Variants in PDSS2 observed in about 807,000 individuals in gnomAD.
PDSS2 encodes the protein all trans-polyprenyl-diphosphate synthase PDSS2.
PDSS2 carries 31 observed loss-of-function variants against 44.5 expected under a neutral mutation model. The ratio of observed to expected loss-of-function variants is 0.70; its 90% CI spans 0.52 to 0.94. PDSS2 has a LOEUF of 0.94. Ranked by LOEUF, PDSS2 falls within the 40% of genes least tolerant of loss-of-function variation. The pLI, the probability that PDSS2 is intolerant of heterozygous loss-of-function variation, is 0.00. For missense variants in PDSS2, 452 were observed against 482.2 expected, an observed-to-expected ratio of 0.94 and a Z score of 0.59; for synonymous variants, 157 against 180.3, an observed-to-expected ratio of 0.87 and a Z score of 1.03.
intron 1 of PDSS2, among the ~76,000 whole-genome samples, chr6:107,451,278 T>C (rs1411141172): frequency 6.6e-6 from 1 of 152,240 alleles, no homozygotes; most frequent in Non-Finnish European, 1.5e-5. Flanking sequence ...GCCATTCTAA[T>C]TGGTACATAG....
intron 1 of PDSS2, among the ~76,000 whole-genome samples, chr6:107,352,300 G>C (rs1389407124): frequency 6.6e-6 from 1 of 152,122 alleles, no homozygotes; most frequent in Non-Finnish European, 1.5e-5. Flanking sequence ...ACACAAGTCA[G>C]CAATAGGAAA....
chr6:107,156,905 C>A (rs1770919987), intron 7 of PDSS2, among the ~76,000 whole-genome samples: 1 of 152,180 alleles, frequency 6.6e-6, no homozygotes, highest in Non-Finnish European at 1.5e-5. Flanking sequence ...ATCCTCTACT[C>A]CTCATTCCCA....
chr6:107,421,635 TA>T (rs909438271), intron 1 of PDSS2, among the ~76,000 whole-genome samples: 4 of 151,486 alleles, frequency 2.6e-5, no homozygotes, highest in African/African-American at 9.7e-5. Flanking sequence ...GACAAAAACA[TA>T]AAAATGAACA....
intron 1 of PDSS2, among the ~76,000 whole-genome samples, chr6:107,418,172 A>C (rs1175817977): frequency 3.3e-5 from 5 of 152,194 alleles, no homozygotes. Context: ...GGAACTCTGC[A>C]GGTATGATTA....
At chr6:107,186,174 A>C (rs1258441976) in intron 7 of PDSS2, among the ~76,000 whole-genome samples, 1 of 152,220 alleles carries the variant, frequency 6.6e-6, no homozygotes, top group Non-Finnish European at 1.5e-5. Context: ...AGATGTAATG[A>C]ATTAATAGTT....
At chr6:107,436,754 T>G (rs1198507092) in intron 1 of PDSS2, among the ~76,000 whole-genome samples, 3 of 152,190 alleles carry the variant, frequency 2.0e-5, no homozygotes, top group Non-Finnish European at 4.4e-5. Context: ...AAGTGATGAA[T>G]GTTTGAAATG....
At chr6:107,444,741 A>G (rs1158582539) in intron 1 of PDSS2, among the ~76,000 whole-genome samples, 2 of 152,196 alleles carry the variant, frequency 1.3e-5, no homozygotes, top group Non-Finnish European at 2.9e-5. Context: ...GAATTTTACC[A>G]TGCAGAAAGG....
rs79480684 is a variant in PDSS2 at position 107,396,865 on chromosome 6, T to G, written c.296+62125A>C. ...CAACAGGCCTGGCTGATTTTTTATT[T>G]TTATTTTTATAGAGACAGGGTCTCA... is the stretch of plus-strand genomic sequence containing the variant. On this transcript the variant is annotated intron_variant, in intron 1 of 7. Coordinates refer to ENST00000369037, the MANE Select transcript of PDSS2 (RefSeq NM_020381.4). Among the ~76,000 whole-genome samples, 594 of 151,888 alleles carry G rather than the reference T, an allele frequency of 3.9e-3. 8 individuals are homozygous for G. The highest frequency in any genetic ancestry group is 0.013 in the African/African-American group (552 of 41,400).
chr6:107,170,113 C>T (rs572802814), intron 7 of PDSS2, among the ~76,000 whole-genome samples: 259 of 152,292 alleles, frequency 1.7e-3, no homozygotes, highest in Non-Finnish European at 2.5e-3. Context: ...CCTTGAGCAG[C>T]GGTGGGCTTC....
intron 2 of PDSS2, among the ~76,000 whole-genome samples, chr6:107,297,201 C>T (rs943404457): frequency 6.6e-6 from 1 of 152,174 alleles, no homozygotes; most frequent in Non-Finnish European, 1.5e-5. Flanking sequence ...CCCAGAAAGG[C>T]TTCCCAAATC....
chr6:107,260,952 G>A (rs940218665), intron 3 of PDSS2, among the ~76,000 whole-genome samples: 14 of 152,064 alleles, frequency 9.2e-5, no homozygotes, highest in African/African-American at 3.1e-4. Flanking sequence ...TTGAGCCATC[G>A]CGCCTGGCCC....
At chr6:107,413,877 A>C (rs1780579623) in intron 1 of PDSS2, among the ~76,000 whole-genome samples, 1 of 152,210 alleles carries the variant, frequency 6.6e-6, no homozygotes, top group Non-Finnish European at 1.5e-5. Flanking sequence ...GCTAGGGAAG[A>C]CTGTGGCAAT....
At chr6:107,326,304 T>G (rs1052127492) in intron 2 of PDSS2, among the ~76,000 whole-genome samples, 1 of 151,514 alleles carries the variant, frequency 6.6e-6, no homozygotes, top group Non-Finnish European at 1.5e-5. Flanking sequence ...GAGACGGGAT[T>G]TTGCCATGTT....
At chr6:107,214,099 T>C (rs1773324845) in intron 4 of PDSS2, among the ~76,000 whole-genome samples, 1 of 146,042 alleles carries the variant, frequency 6.8e-6, no homozygotes, top group Non-Finnish European at 1.5e-5. Flanking sequence ...ATTAGTGAGC[T>C]ATTTTACACT....
chr6:107,368,561 T>C (rs978537372), intron 1 of PDSS2, among the ~76,000 whole-genome samples: 2 of 152,040 alleles, frequency 1.3e-5, no homozygotes, highest in African/African-American at 4.8e-5. Context: ...TTAACAGAAA[T>C]TGATAATGTG....
At chr6:107,408,501 A>T (rs1284149744) in intron 1 of PDSS2, among the ~76,000 whole-genome samples, 1 of 152,214 alleles carries the variant, frequency 6.6e-6, no homozygotes, top group Non-Finnish European at 1.5e-5. Flanking sequence ...AGATTACTGC[A>T]TTTAGCCTCC....
At chr6:107,452,949 G>A (rs758523045) in intron 1 of PDSS2, among the ~76,000 whole-genome samples, 1 of 152,186 alleles carries the variant, frequency 6.6e-6, no homozygotes, top group Non-Finnish European at 1.5e-5. Flanking sequence ...ACAGGCGTGA[G>A]CCACCACGCC....
At chr6:107,443,764 T>A (rs1781581051) in intron 1 of PDSS2, among the ~76,000 whole-genome samples, 1 of 152,220 alleles carries the variant, frequency 6.6e-6, no homozygotes, top group Non-Finnish European at 1.5e-5. Flanking sequence ...TCATCCCACA[T>A]GACCTGACTC....
At chr6:107,429,899 AAAATATATATATAT>A (rs1488148166) in intron 1 of PDSS2, among the ~76,000 whole-genome samples, 2,768 of 41,400 alleles carry the variant, frequency 0.067, 356 homozygotes, top group East Asian at 0.19. Flanking sequence ...AAAAAAAAAA[AAAATATATATATAT>A]ATATATATAT....
Sources: gnomAD v4.1 joint callset for allele counts (sites outside exome capture counted in the v4.1 genomes callset) on GRCh38, gnomAD v4.1.1 for gene constraint, MANE v1.5 for transcripts, NCBI Gene and HGNC (gene_info 2026-07-23, HGNC 2026-07-21) for gene names.